Variants in ESPNL observed in about 807,000 individuals in gnomAD.
ESPNL encodes espin-like protein.
ESPNL carries 49 observed loss-of-function variants against 46.8 expected under a neutral mutation model. The ratio of observed to expected loss-of-function variants is 1.05; its 90% confidence interval spans 0.83 to 1.33. The LOEUF (loss-of-function observed/expected upper bound fraction) is 1.33. Ranked by LOEUF, ESPNL falls within the 40% of genes most tolerant of loss-of-function variation. The pLI, the probability that ESPNL is intolerant of heterozygous loss-of-function variation, is 0.00. For synonymous variants in ESPNL, 664 were observed against 662.1 expected (o/e 1.00, Z -0.04); for missense variants, 1,540 against 1,436.6 (o/e 1.07, Z -1.16).
intron 8 of ESPNL, chr2:238,129,205 G>T: frequency 7.6e-7 from 1 of 1,316,208 alleles, no homozygotes; most frequent in Non-Finnish European, 9.7e-7. Flanking sequence ...GCAGCGTCTA[G>T]CAGGGAAGAC....
At position 238,129,104 on chromosome 2, in the gene ESPNL, T is replaced by C. The variant is rs1692216855; in HGVS notation, c.1413+200T>C. 3 of 1,417,630 alleles carry C rather than the reference T, an allele frequency of 2.1e-6. No individual in the cohort carries two copies. In the South Asian group the frequency reaches 4.7e-5, roughly 22 times the overall value. 87.8% of individuals were successfully genotyped at this position (1,417,630 alleles called of 1,614,324 possible). A position where few individuals can be genotyped will look rare whatever the true frequency, so the allele number is the denominator to read the frequency against. The stretch of plus-strand genomic sequence containing the variant: ...CTCTGAGCAGAGCCCCTTCACCTGC[T>C]CTGGAGGCATGGGTCCCACGTATCC... On this transcript the variant is annotated intron_variant, in intron 8 of 8. Coordinates refer to ENST00000343063, the MANE Select transcript of ESPNL (RefSeq NM_194312.4).
At chr2:238,126,901 TTGTG>T (rs775425604) in intron 6 of ESPNL, among the ~76,000 whole-genome samples, 2 of 81,064 alleles carry the variant, frequency 2.5e-5, no homozygotes, top group South Asian at 8.9e-4. Flanking sequence ...GATTGTGTGA[TTGTG>T]TGTGTATGAT....
chr2:238,106,085 A>G (rs1012310171), intron 3 of ESPNL, among the ~76,000 whole-genome samples: 3 of 152,168 alleles, frequency 2.0e-5, no homozygotes, highest in Non-Finnish European at 2.9e-5. Context: ...CACCAGCACC[A>G]GGCACACGGC....
At chr2:238,111,868 A>G (rs2106468035) in intron 4 of ESPNL, among the ~76,000 whole-genome samples, 1 of 152,344 alleles carries the variant, frequency 6.6e-6, no homozygotes, top group South Asian at 2.1e-4. Context: ...CCTGGAATAA[A>G]TTCAACATGA....
At position 238,130,588 on chromosome 2, in the gene ESPNL, T is replaced by A; in HGVS notation, c.1874T>A (p.Leu625Gln). The stretch of plus-strand genomic sequence containing the variant: ...GATGAGAAGCCATCCACCCGGCCCC[T>A]GCAGGACACCTGCAGGGAGGCCTCG... The part of the protein sequence containing the change: ...QGDEKPSTRP[L>Q]QDTCREASAS... Residue 625 changes from leucine (L) to glutamine (Q), a missense_variant, in exon 9 of 9, where the codon CTG becomes CAG. Leu to Gln is a moderately radical substitution (Grantham distance 113). Transcript: ENST00000343063. The A allele has an allele frequency of 6.4e-7, 1 of 1,572,006 alleles. No homozygotes were observed. Among genetic ancestry groups the A allele is most frequent in the Non-Finnish European group, 8.6e-7 (1 of 1,158,834 alleles).
At position 238,128,848 on chromosome 2, in the gene ESPNL, G is replaced by A; in HGVS notation, c.1357G>A (p.Val453Met). ...GQPIPEWKRQ[V>M]MVRKLQARLG... Reference sequence around the variant, plus strand: ...GCCCATCCCAGAGTGGAAGCGGCAGGTGATGGTGCGGAAGCTGCAGGCGCG... The same window carrying A: ...GCCCATCCCAGAGTGGAAGCGGCAGATGATGGTGCGGAAGCTGCAGGCGCG... Residue 453 changes from valine to methionine, a missense_variant, in exon 8 of 9, where the codon GTG (valine) becomes ATG (methionine). Val to Met is a conservative substitution (Grantham distance 21). Transcript: ENST00000343063. 1 of 1,548,664 alleles carries A rather than the reference G, an allele frequency of 6.5e-7. No homozygotes were observed.
chr2:238,126,921 CTG>C (rs1553574034), intron 6 of ESPNL, among the ~76,000 whole-genome samples: 34 of 146,754 alleles, frequency 2.3e-4, no homozygotes, highest in African/African-American at 5.8e-4. Flanking sequence ...ATGATCGTGT[CTG>C]TGTGTCTGTG....
intron 5 of ESPNL, among the ~76,000 whole-genome samples, chr2:238,122,853 T>C (rs150713827): frequency 2.6e-5 from 4 of 152,364 alleles, no homozygotes; most frequent in Non-Finnish European, 5.9e-5. Flanking sequence ...AGCCCACCTC[T>C]GTCGGTGACA....
At chr2:238,121,484 G>A (rs1351337163) in intron 5 of ESPNL, among the ~76,000 whole-genome samples, 2 of 152,250 alleles carry the variant, frequency 1.3e-5, no homozygotes, top group Non-Finnish European at 2.9e-5. Flanking sequence ...TGCAGCCTCA[G>A]CCTTCCAGGC....
intron 4 of ESPNL, among the ~76,000 whole-genome samples, chr2:238,116,428 G>A (rs1691816395): frequency 6.6e-6 from 1 of 152,228 alleles, no homozygotes; most frequent in Admixed American, 6.5e-5. Context: ...GGCACTAGGG[G>A]GGAACCTCAT....
intron 4 of ESPNL, among the ~76,000 whole-genome samples, chr2:238,108,514 C>T (rs1036969883): frequency 3.3e-5 from 5 of 152,172 alleles, no homozygotes; most frequent in Admixed American, 1.3e-4. Context: ...CACCCGATGT[C>T]GACCTCATCT....
At chr2:238,120,723 C>T (rs1330412420) in intron 5 of ESPNL, among the ~76,000 whole-genome samples, 1 of 152,216 alleles carries the variant, frequency 6.6e-6, no homozygotes, top group East Asian at 1.9e-4. Flanking sequence ...CTGGTGACGG[C>T]AGGGGGTGCT....
Position 238,127,388 on chromosome 2 carries a change from C to T in ESPNL, c.1103-234C>T, listed in dbSNP as rs575633014. 4.6e-6 allele frequency: 6 copies of T among 1,314,184 alleles called. No individual in the cohort carries two copies. In the East Asian group the frequency reaches 1.9e-4, roughly 42 times the overall value. The allele number at this position is 1,314,184 out of a possible 1,614,324, so 81.4% of individuals were successfully genotyped here. A position where few individuals can be genotyped will look rare whatever the true frequency, so the allele number is the denominator to read the frequency against. ...CTGCAGGAGGGGCCGCGGCGTGGCCCAGCGGTGTGCCGCAGGCTCTCCCAT... is the reference window on the plus strand; with the variant it reads ...CTGCAGGAGGGGCCGCGGCGTGGCCTAGCGGTGTGCCGCAGGCTCTCCCAT... On this transcript the variant is annotated intron_variant, in intron 6 of 8. Transcript: ENST00000343063.
At chr2:238,117,148 A>G in intron 5 of ESPNL, 114 bp downstream of exon 5, 1 of 1,371,472 alleles carries the variant, frequency 7.3e-7, no homozygotes. Flanking sequence ...ACCATGTCCA[A>G]CTCATACATG....
chr2:238,115,032 G>A (rs542071836), intron 4 of ESPNL, among the ~76,000 whole-genome samples: 8 of 152,320 alleles, frequency 5.3e-5, no homozygotes, highest in South Asian at 4.2e-4. Flanking sequence ...GTGGCTCTGC[G>A]GTTCTGGCGC....
intron 5 of ESPNL, among the ~76,000 whole-genome samples, chr2:238,118,773 AGGAGGGGAGATGGAGGAGGGTGGAT>A (rs1691894584): frequency 2.2e-5 from 1 of 45,390 alleles, no homozygotes; most frequent in African/African-American, 2.0e-4. Context: ...GGGTGGATGG[AGGAGGGGAGATGGAGGAGGGTGGAT>A]GGAGGAGGAA....
At chr2:238,129,118 T>A (rs983754923) in intron 8 of ESPNL, 10 of 1,406,538 alleles carry the variant, frequency 7.1e-6, no homozygotes, top group Admixed American at 6.1e-5. Context: ...GAGGCATGGG[T>A]CCCACGTATC....
intron 2 of ESPNL, among the ~76,000 whole-genome samples, chr2:238,102,737 A>T (rs1691512504): frequency 6.6e-6 from 1 of 152,222 alleles, no homozygotes; most frequent in South Asian, 2.1e-4. Flanking sequence ...AAGCTCCTCC[A>T]GTCCTCGCCC....
chr2:238,128,640 C>A, intron 7 of ESPNL, 67 bp from the exon 8 acceptor site: 1 of 1,486,114 alleles, frequency 6.7e-7, no homozygotes, highest in South Asian at 1.2e-5. Flanking sequence ...CACGTCCTCT[C>A]GGATCTTCCC....
Sources: allele counts gnomAD v4.1 joint callset (sites outside exome capture counted in the v4.1 genomes callset), GRCh38; gene constraint gnomAD v4.1.1; transcripts MANE v1.5; gene names NCBI Gene and HGNC (gene_info 2026-07-23, HGNC 2026-07-21).